GRIK3: variants seen among roughly 807,000 people sequenced by gnomAD.
GRIK3 encodes the protein glutamate ionotropic receptor kainate type subunit 3.
Under a neutral mutation model 102.5 loss-of-function variants are expected in GRIK3, and 29 were observed. The observed-to-expected ratio is 0.28, with a 90% CI of 0.21 to 0.39. GRIK3 has a LOEUF of 0.39. Among genes scored for constraint, GRIK3 ranks in the 10% least tolerant of loss-of-function variants. The pLI is 1.00. For missense variants in GRIK3, 908 were observed against 1,252.4 expected (o/e 0.73, Z 4.15); for synonymous variants, 511 against 504.9 (o/e 1.01, Z -0.16).
At chr1:36,851,737 C>T (rs1425600317) in intron 8 of GRIK3, among the ~76,000 whole-genome samples, 4 of 152,256 alleles carry the variant, frequency 2.6e-5, no homozygotes. Context: ...GGCAGGCTAA[C>T]CTCTGCCCAG....
At chr1:36,934,292 C>T (rs991656027) in intron 1 of GRIK3, among the ~76,000 whole-genome samples, 6 of 152,218 alleles carry the variant, frequency 3.9e-5, no homozygotes, top group Non-Finnish European at 7.3e-5. Flanking sequence ...CCAGACCTTT[C>T]TGCCTGCCTA....
intron 1 of GRIK3, among the ~76,000 whole-genome samples, chr1:36,979,862 G>A (rs1557450245): frequency 6.6e-6 from 1 of 152,216 alleles, no homozygotes; most frequent in Non-Finnish European, 1.5e-5. Flanking sequence ...TACTGCTCCT[G>A]AGATGAGGGT....
chr1:36,819,913 A>G lies in GRIK3; in HGVS notation c.1755-59T>C. 1.2e-6 allele frequency: 1 copy of G among 864,768 alleles called. No individual in the cohort carries two copies. Among genetic ancestry groups the G allele is most frequent in the South Asian group, 1.4e-5 (1 of 70,634 alleles). The allele number at this position is 864,768 out of a possible 1,614,324, so 53.6% of individuals were successfully genotyped here. On this transcript the variant is annotated intron_variant, in intron 11 of 15. Coordinates refer to ENST00000373091, the MANE Select transcript of GRIK3 (RefSeq NM_000831.4). The surrounding 1 kb of genome is among the most constrained non-coding windows in gnomAD (Gnocchi z 4.1). Reference sequence around the variant, plus strand: ...AAGCAAGGGGCATCCACGCCCCAGCAGGCAGTGGTTTAGCAAACACAGCTG... The same window carrying G: ...AAGCAAGGGGCATCCACGCCCCAGCGGGCAGTGGTTTAGCAAACACAGCTG...
intron 1 of GRIK3, among the ~76,000 whole-genome samples, chr1:36,996,264 T>C (rs1642418417): frequency 6.6e-6 from 1 of 152,198 alleles, no homozygotes; most frequent in Non-Finnish European, 1.5e-5. Flanking sequence ...ACCCATAAAA[T>C]CACACCTAGC....
chr1:36,976,585 C>G (rs1642198609), intron 1 of GRIK3, among the ~76,000 whole-genome samples: 1 of 152,132 alleles, frequency 6.6e-6, no homozygotes, highest in Non-Finnish European at 1.5e-5. Flanking sequence ...GGCTTCACAA[C>G]TGCCCAGATT....
intron 11 of GRIK3, 105 bp downstream of exon 11, chr1:36,825,498 G>T: frequency 3.0e-6 from 2 of 674,074 alleles, no homozygotes; most frequent in Non-Finnish European, 5.0e-6. Context: ...TACAGCAGTG[G>T]CCTGAGCCTT....
chr1:36,955,954 C>G (rs954489464), intron 1 of GRIK3, among the ~76,000 whole-genome samples: 1 of 152,262 alleles, frequency 6.6e-6, no homozygotes, highest in Non-Finnish European at 1.5e-5. Context: ...AGACCAGATT[C>G]TCAGAACTGG....
At chr1:36,955,287 T>A (rs1048360566) in intron 1 of GRIK3, among the ~76,000 whole-genome samples, 25 of 152,178 alleles carry the variant, frequency 1.6e-4, no homozygotes, top group African/African-American at 5.5e-4. Flanking sequence ...AAGGGGCAGG[T>A]GTGGGGCGGT....
At chr1:36,905,210 A>C (rs896739196) in intron 1 of GRIK3, among the ~76,000 whole-genome samples, 2 of 152,222 alleles carry the variant, frequency 1.3e-5, no homozygotes, top group South Asian at 4.1e-4. Context: ...AGAAAACTAC[A>C]AAACTTTACT....
chr1:36,890,868 G>A (rs511852), intron 2 of GRIK3, 52 bp downstream of exon 2: 14,743 of 1,419,610 alleles, frequency 0.01, 668 homozygotes, highest in East Asian at 0.096. Flanking sequence ...CAAATGCAGC[G>A]CTTCCCCTCC....
chr1:36,847,765 A>G (rs1640535052), intron 9 of GRIK3, among the ~76,000 whole-genome samples: 1 of 152,226 alleles, frequency 6.6e-6, no homozygotes, highest in Non-Finnish European at 1.5e-5. Flanking sequence ...GCAAATCAAC[A>G]TCAAAGCCAG....
At chr1:36,888,006 A>G (rs1017511129) in intron 2 of GRIK3, among the ~76,000 whole-genome samples, 1 of 152,108 alleles carries the variant, frequency 6.6e-6, no homozygotes, top group Admixed American at 6.5e-5. Flanking sequence ...AGCTGAACAT[A>G]TGTACATACT....
At chr1:36,996,332 A>G (rs1309192619) in intron 1 of GRIK3, among the ~76,000 whole-genome samples, 1 of 152,240 alleles carries the variant, frequency 6.6e-6, no homozygotes, top group African/African-American at 2.4e-5. Context: ...CATTGAACAC[A>G]AGGCTTATGG....
chr1:36,987,931 A>G (rs1042904314), intron 1 of GRIK3, among the ~76,000 whole-genome samples: 6 of 152,198 alleles, frequency 3.9e-5, no homozygotes, highest in Non-Finnish European at 8.8e-5. Flanking sequence ...GCCTGCTTTA[A>G]TAGAACTCAG....
chr1:36,990,415 C>T (rs1642352990), intron 1 of GRIK3, among the ~76,000 whole-genome samples: 1 of 152,156 alleles, frequency 6.6e-6, no homozygotes, highest in Admixed American at 6.5e-5. Context: ...TACCCTTGCA[C>T]CAGGGCCAGC....
In GRIK3 at chr1:36,796,687, T is replaced by C. The variant is rs1360127123; in HGVS notation, c.*5164A>G. 6.6e-6 allele frequency: 1 copy of C among 152,230 alleles called. No homozygotes were observed. Among genetic ancestry groups the C allele is most frequent in the Admixed American group, 6.5e-5 (1 of 15,286 alleles). The allele number at this position is 152,230 out of a possible 1,614,324, so 9.4% of individuals were successfully genotyped here. A position where few individuals can be genotyped will look rare whatever the true frequency, so the allele number is the denominator to read the frequency against. On this transcript the variant is annotated 3_prime_UTR_variant, in exon 16 of 16. Coordinates refer to ENST00000373091, the MANE Select transcript of GRIK3 (RefSeq NM_000831.4). The stretch of plus-strand genomic sequence containing the variant: ...CTCTTTAACAAGTGCTTTCCCTAGT[T>C]GTGAGCTGTGTTGTGTGCAAGTTGT...
intron 1 of GRIK3, among the ~76,000 whole-genome samples, chr1:36,990,180 C>A (rs1642349545): frequency 6.6e-6 from 1 of 152,122 alleles, no homozygotes; most frequent in Admixed American, 6.5e-5. Flanking sequence ...CCCCGCCCAG[C>A]CCTTCCAGTG....
chr1:36,966,379 C>G (rs1040723473), intron 1 of GRIK3, among the ~76,000 whole-genome samples: 3 of 152,192 alleles, frequency 2.0e-5, no homozygotes, highest in Admixed American at 1.3e-4. Flanking sequence ...GGGCCTTGGA[C>G]GTTCATCAGA....
chr1:36,937,739 C>T (rs1032413265), intron 1 of GRIK3, among the ~76,000 whole-genome samples: 18 of 152,136 alleles, frequency 1.2e-4, no homozygotes, highest in Non-Finnish European at 5.9e-5. Context: ...ATTCCAATTG[C>T]GATTGCTTCA....
Sources: gnomAD v4.1 joint callset for allele counts (sites outside exome capture counted in the v4.1 genomes callset) on GRCh38, gnomAD v4.1.1 for gene constraint, Gnocchi (gnomAD v3.1) non-coding constraint, MANE v1.5 for transcripts, NCBI Gene and HGNC (gene_info 2026-07-23, HGNC 2026-07-21) for gene names.